The following SLC24A3 variants were observed in gnomAD, a reference collection of about 807,000 sequenced individuals.
SLC24A3 encodes solute carrier family 24 member 3.
SLC24A3 carries 28 observed loss-of-function variants against 75.8 expected under a neutral mutation model. The observed-to-expected ratio is 0.37, with a 90% CI of 0.27 to 0.51. The LOEUF (loss-of-function observed/expected upper bound fraction) is 0.51. Ranked by LOEUF, SLC24A3 falls within the 20% of genes least tolerant of loss-of-function variation. The pLI is 0.94. For synonymous variants in SLC24A3, 372 were observed against 334.1 expected, an observed-to-expected ratio of 1.11 and a Z score of -1.24; for missense variants, 663 against 847.8, an observed-to-expected ratio of 0.78 and a Z score of 2.71.
intron 2 of SLC24A3, among the ~76,000 whole-genome samples, chr20:19,294,997 C>G (rs1443875286): frequency 6.6e-6 from 1 of 152,162 alleles, no homozygotes; most frequent in Non-Finnish European, 1.5e-5. Flanking sequence ...TAATTGCATT[C>G]TAACTGGCTC....
In SLC24A3 at chr20:19,627,318, C is replaced by T. The variant is rs143528318; in HGVS notation, c.613-26744C>T. On this transcript the variant is annotated intron_variant, in intron 6 of 16. Coordinates refer to ENST00000328041, the MANE Select transcript of SLC24A3 (RefSeq NM_020689.4). ...TTAACATGTAAAAATATTGTTATTC[C>T]ATTATGTCTAAATTCTTCATTTTCT... Among the ~76,000 whole-genome samples the T allele has an allele frequency of 7.9e-5, 12 of 152,282 alleles. No individual in the cohort carries two copies. The East Asian group carries it at 2.3e-3, about 29-fold the overall frequency.
chr20:19,226,967 T>G (rs1018674867), intron 1 of SLC24A3, among the ~76,000 whole-genome samples: 3 of 152,216 alleles, frequency 2.0e-5, no homozygotes, highest in Non-Finnish European at 1.5e-5. Context: ...TGACAATCTC[T>G]GCCGGTTTCT....
intron 2 of SLC24A3, among the ~76,000 whole-genome samples, chr20:19,486,964 G>C (rs6112409): frequency 0.015 from 2,231 of 152,316 alleles, 21 homozygotes; most frequent in Middle Eastern, 0.034. Flanking sequence ...CTGGAGGGCA[G>C]TTAGAGGTAC....
At chr20:19,343,351 T>C (rs1242214739) in intron 2 of SLC24A3, among the ~76,000 whole-genome samples, 9 of 152,192 alleles carry the variant, frequency 5.9e-5, no homozygotes. Flanking sequence ...TTACATCACC[T>C]ACTCTATGTG....
At chr20:19,321,432 A>G (rs536760517) in intron 2 of SLC24A3, among the ~76,000 whole-genome samples, 39 of 152,320 alleles carry the variant, frequency 2.6e-4, no homozygotes, top group African/African-American at 7.7e-4. Flanking sequence ...CAGGCAGAGG[A>G]AAAACATGAA....
At position 19,557,853 on chromosome 20, in the gene SLC24A3, A is replaced by G. The variant is rs982081560; in HGVS notation, c.349-22147A>G. ...TCTCAAAGGCAAGTTTCTGAAAGTT[A>G]GACCTAAATGGAATGTTTTGAAATA... On this transcript the variant is annotated intron_variant, in intron 3 of 16. Coordinates refer to ENST00000328041, the MANE Select transcript of SLC24A3 (RefSeq NM_020689.4). Among the ~76,000 whole-genome samples the G allele has an allele frequency of 3.9e-5, 6 of 152,300 alleles. No homozygotes were observed. The South Asian group carries it at 8.3e-4, about 21-fold the overall frequency.
At chr20:19,331,292 G>A (rs1481167261) in intron 2 of SLC24A3, among the ~76,000 whole-genome samples, 1 of 152,124 alleles carries the variant, frequency 6.6e-6, no homozygotes, top group Non-Finnish European at 1.5e-5. Flanking sequence ...TTAAGGGTGA[G>A]GGGCAATGAT....
At chr20:19,222,119 T>A (rs767493341) in intron 1 of SLC24A3, among the ~76,000 whole-genome samples, 6 of 152,226 alleles carry the variant, frequency 3.9e-5, no homozygotes, top group Non-Finnish European at 8.8e-5. Flanking sequence ...TCTGCTGTCA[T>A]ATTTTTAATT....
chr20:19,217,054 A>T (rs1981579112), intron 1 of SLC24A3, among the ~76,000 whole-genome samples: 1 of 152,198 alleles, frequency 6.6e-6, no homozygotes, highest in Non-Finnish European at 1.5e-5. Context: ...CGATCTCTTT[A>T]TGTGGCTCAC....
At chr20:19,231,884 C>A (rs1275004462) in intron 1 of SLC24A3, among the ~76,000 whole-genome samples, 1 of 152,202 alleles carries the variant, frequency 6.6e-6, no homozygotes, top group Non-Finnish European at 1.5e-5. Context: ...CATGTTATCA[C>A]TTGATTATAT....
chr20:19,239,968 T>C (rs1379907925), intron 1 of SLC24A3, among the ~76,000 whole-genome samples: 2 of 152,218 alleles, frequency 1.3e-5, no homozygotes, highest in East Asian at 3.9e-4. Flanking sequence ...GTCCTGAGTC[T>C]TTTCTGTCTT....
At chr20:19,438,075 T>G (rs1449155104) in intron 2 of SLC24A3, among the ~76,000 whole-genome samples, 1 of 152,120 alleles carries the variant, frequency 6.6e-6, no homozygotes, top group Non-Finnish European at 1.5e-5. Flanking sequence ...TTCCTCAAGG[T>G]CCCCTGTGTT....
chr20:19,304,892 G>T (rs1193953083), intron 2 of SLC24A3, among the ~76,000 whole-genome samples: 1 of 152,192 alleles, frequency 6.6e-6, no homozygotes, highest in Non-Finnish European at 1.5e-5. Flanking sequence ...ACTTGAACGT[G>T]ACTATTTTGG....
At chr20:19,231,582 C>A (rs1008359445) in intron 1 of SLC24A3, among the ~76,000 whole-genome samples, 2 of 152,280 alleles carry the variant, frequency 1.3e-5, no homozygotes, top group South Asian at 4.1e-4. Context: ...AGGAGCTGGA[C>A]AAGGCAAGGC....
chr20:19,218,409 A>G (rs951272386), intron 1 of SLC24A3, among the ~76,000 whole-genome samples: 1 of 152,222 alleles, frequency 6.6e-6, no homozygotes, highest in Non-Finnish European at 1.5e-5. Flanking sequence ...GTCCACCTAC[A>G]TCAGGGCTGC....
intron 6 of SLC24A3, among the ~76,000 whole-genome samples, chr20:19,602,304 A>G (rs6106111): frequency 0.52 from 79,575 of 151,976 alleles, 22,272 homozygotes; most frequent in Admixed American, 0.62. Context: ...AAAAAGTACT[A>G]TCATTGTCCC....
chr20:19,484,138 TC>T (rs1250192940), intron 2 of SLC24A3, among the ~76,000 whole-genome samples: 1 of 152,200 alleles, frequency 6.6e-6, no homozygotes, highest in African/African-American at 2.4e-5. Flanking sequence ...GTATCCCTTT[TC>T]CCAAATACTT....
intron 3 of SLC24A3, among the ~76,000 whole-genome samples, chr20:19,526,104 G>A (rs1032902840): frequency 2.6e-5 from 4 of 152,164 alleles, no homozygotes; most frequent in African/African-American, 9.7e-5. Flanking sequence ...CTCCCCGATA[G>A]CTCTTCTTTC....
chr20:19,585,094 T>A, intron 5 of SLC24A3, 39 bp downstream of exon 5: 1 of 1,562,166 alleles, frequency 6.4e-7, no homozygotes, highest in South Asian at 1.1e-5. Context: ...ACCTTCACTG[T>A]CTGAAGGAAA....
Sources: allele counts gnomAD v4.1 joint callset (sites outside exome capture counted in the v4.1 genomes callset), GRCh38; gene constraint gnomAD v4.1.1; transcripts MANE v1.5; gene names NCBI Gene and HGNC (gene_info 2026-07-23, HGNC 2026-07-21).